The following C16orf89 variants were observed in gnomAD, a reference collection of about 807,000 sequenced individuals.
C16orf89 encodes the protein UPF0764 protein C16orf89.
Under a neutral mutation model 41.5 loss-of-function variants are expected in C16orf89, and 57 were observed. That is an observed-to-expected ratio of 1.38 (90% CI 1.11 to 1.71). The LOEUF (loss-of-function observed/expected upper bound fraction) is 1.71, where lower values mean the gene tolerates loss of function less well. Among genes scored for constraint, C16orf89 ranks in the 40% most tolerant of loss-of-function variants. The pLI is 0.00. For missense variants in C16orf89, 575 were observed against 445.9 expected (o/e 1.29, Z -2.61); for synonymous variants, 223 against 190.6 (o/e 1.17, Z -1.40).
At chr16:5,062,375 T>G (rs1239188180) in intron 2 of C16orf89, 50 bp downstream of exon 2, 1 of 1,538,340 alleles carries the variant, frequency 6.5e-7, no homozygotes, top group African/African-American at 1.4e-5. Context: ...TCAGTCAATA[T>G]CCCCATAGGC....
chr16:5,063,544 T>C (rs536822361), intron 1 of C16orf89, among the ~76,000 whole-genome samples: 17 of 152,286 alleles, frequency 1.1e-4, no homozygotes, highest in Non-Finnish European at 2.2e-4. Context: ...GCTGCATCTG[T>C]AATTTACAGC....
intron 6 of C16orf89, among the ~76,000 whole-genome samples, chr16:5,049,323 T>C (rs1419341644): frequency 6.6e-6 from 1 of 152,188 alleles, no homozygotes; most frequent in Non-Finnish European, 1.5e-5. Flanking sequence ...AAAGAAACAC[T>C]GAATTTAAAC....
At chr16:5,060,463 T>C (rs986529948) in intron 2 of C16orf89, 27 bp from the exon 3 acceptor site, 1 of 1,600,268 alleles carries the variant, frequency 6.2e-7, no homozygotes, top group Non-Finnish European at 8.5e-7. Context: ...ATAGATGGGG[T>C]GGGGTGTGGG....
downstream of C16orf89, chr16:5,043,909 A>G (rs1223559644): frequency 6.3e-6 from 1 of 159,370 alleles, no homozygotes; most frequent in Non-Finnish European, 1.3e-5. Flanking sequence ...TGTCCCAGCT[A>G]CTCAGGAGGT....
intron 7 of C16orf89, among the ~76,000 whole-genome samples, chr16:5,046,728 C>G (rs531447839): frequency 6.6e-6 from 1 of 152,214 alleles, no homozygotes; most frequent in South Asian, 2.1e-4. Flanking sequence ...GTGTCCCCCT[C>G]CTTCCCTTTC....
intron 6 of C16orf89, among the ~76,000 whole-genome samples, chr16:5,050,768 C>T (rs1423621202): frequency 6.6e-6 from 1 of 152,194 alleles, no homozygotes; most frequent in Non-Finnish European, 1.5e-5. Flanking sequence ...AACCCAGCAA[C>T]ACATTAAAAA....
intron 7 of C16orf89, among the ~76,000 whole-genome samples, chr16:5,047,458 ACTTT>A (rs1465930582): frequency 6.9e-6 from 1 of 145,574 alleles, no homozygotes; most frequent in Non-Finnish European, 1.5e-5. Context: ...TGGACTCCCC[ACTTT>A]CTTTCTTTCT....
chr16:5,055,271 C>G lies in C16orf89; in HGVS notation c.843G>C (p.Gln281His), dbSNP rs1411184609. The stretch of plus-strand genomic sequence containing the variant: ...CAGGCTCCCCGAAGCATCCTTCCTG[C>G]TGTTTCTGCCAGCTGAGAATGGCCT... ...WLEAILSWQK[Q>H]QEGCFGEPDA... The change falls in exon 6 of 8, where the codon CAG becomes CAC. Residue 281 changes from glutamine (Q) to histidine (H), a missense_variant. Gln to His is a conservative substitution (Grantham distance 24). Coordinates refer to ENST00000472572, the MANE Select transcript of C16orf89 (RefSeq NM_001098514.3). The G allele has an allele frequency of 6.2e-7, 1 of 1,612,822 alleles. No homozygotes were observed. Among genetic ancestry groups the G allele is most frequent in the Non-Finnish European group, 8.5e-7 (1 of 1,179,340 alleles).
intron 6 of C16orf89, among the ~76,000 whole-genome samples, chr16:5,051,252 A>C (rs1330742395): frequency 6.6e-6 from 1 of 152,214 alleles, no homozygotes; most frequent in East Asian, 1.9e-4. Flanking sequence ...AAAAAGGAGG[A>C]AGTCAAATTG....
Position 5,044,250 on chromosome 16 carries a change from C to G in C16orf89, c.*98G>C, listed in dbSNP as rs1423859846. 2 of 1,461,792 alleles carry G rather than the reference C, an allele frequency of 1.4e-6. No homozygotes were observed. Among genetic ancestry groups the G allele is most frequent in the Non-Finnish European group, 1.8e-6 (2 of 1,111,288 alleles). 90.6% of individuals were successfully genotyped at this position (1,461,792 alleles called of 1,614,324 possible). A position where few individuals can be genotyped will look rare whatever the true frequency, so the allele number is the denominator to read the frequency against. ...GTGGCTTTGCTTATCCTCCAGATGC[C>G]TTCTTCCCAGGATGTGATCCGTGCC... On this transcript the variant is annotated 3_prime_UTR_variant, in exon 8 of 8. Transcript: ENST00000472572.
intron 6 of C16orf89, among the ~76,000 whole-genome samples, chr16:5,050,325 G>A (rs953466123): frequency 3.6e-4 from 55 of 151,742 alleles, no homozygotes; most frequent in Admixed American, 2.6e-3. Flanking sequence ...CTGAGATTGC[G>A]CCACTGCACT....
chr16:5,062,554 C>T lies in C16orf89; in HGVS notation c.229G>A (p.Glu77Lys). ...AGCAGGGGCTCCTGGGCCCACTTCT[C>T]CCGGACACTTTTTAGCTGCTCTGGA... Reference protein sequence around the residue: ...VLEEQLKSVREKWAQEPLLQP... With the variant: ...VLEEQLKSVRKKWAQEPLLQP... Residue 77 changes from glutamate to lysine, a missense_variant, in exon 2 of 8, where the codon GAG becomes AAG. Transcript: ENST00000472572. 5.6e-6 allele frequency: 9 copies of T among 1,612,076 alleles called. No homozygotes were observed. The highest frequency in any genetic ancestry group is 6.8e-6 in the Non-Finnish European group (8 of 1,179,120).
intron 7 of C16orf89, among the ~76,000 whole-genome samples, chr16:5,045,484 A>G (rs1350577063): frequency 1.3e-5 from 2 of 152,204 alleles, no homozygotes; most frequent in Non-Finnish European, 2.9e-5. Context: ...GAAGGGAGCC[A>G]GGAATTCTTT....
rs191347769 is a variant in C16orf89 at position 5,065,937 on chromosome 16, C to G, written c.-29G>C. 18 of 1,607,258 alleles carry G rather than the reference C, an allele frequency of 1.1e-5. No homozygotes were observed. The highest frequency in any genetic ancestry group is 1.5e-5 in the Non-Finnish European group (18 of 1,177,638). ...CGGCCTCTGCTCACTGCTGGTCACACGCTCAGCACCCTGAGCTCTGGCCAA... is the reference window on the plus strand; with the variant it reads ...CGGCCTCTGCTCACTGCTGGTCACAGGCTCAGCACCCTGAGCTCTGGCCAA... On this transcript the variant is annotated 5_prime_UTR_variant, in exon 1 of 8. Coordinates refer to ENST00000472572, the MANE Select transcript of C16orf89 (RefSeq NM_001098514.3).
In C16orf89 at chr16:5,060,511, C is replaced by T. The variant is rs754737127; in HGVS notation, c.359-75G>A. On this transcript the variant is annotated intron_variant, in intron 2 of 7. Transcript: ENST00000472572. ...GCAGTGGGCCACCCTGGTGTCCCCA[C>T]CTCCTCCTGCAGCCCTGCCCACTGG... The T allele has an allele frequency of 1.1e-5, 16 of 1,434,634 alleles. 1 individual carries two copies. The highest frequency in any genetic ancestry group is 9.7e-5 in the East Asian group (4 of 41,276). The allele number at this position is 1,434,634 out of a possible 1,614,324, so 88.9% of individuals were successfully genotyped here. A position where few individuals can be genotyped will look rare whatever the true frequency, so the allele number is the denominator to read the frequency against.
chr16:5,058,610 C>A lies in C16orf89; in HGVS notation c.510G>T (p.Gly170=). The A allele has an allele frequency of 4.4e-6, 7 of 1,608,632 alleles. No individual in the cohort carries two copies. Among genetic ancestry groups the A allele is most frequent in the Non-Finnish European group, 5.9e-6 (7 of 1,176,932 alleles). Residue 170 remains glycine (G), a splice_region_variant and synonymous_variant, in exon 4 of 8, where the codon GGG becomes GGT. Coordinates refer to ENST00000472572, the MANE Select transcript of C16orf89 (RefSeq NM_001098514.3). Reference sequence around the variant, plus strand: ...GGCCGCAGGGCTCGCTGCTGTCCGTCCTGGGGGAAAGTGGTTCCAAGCTGT... The same window carrying A: ...GGCCGCAGGGCTCGCTGCTGTCCGTACTGGGGGAAAGTGGTTCCAAGCTGT... ...DVCLVQLLGT[G]TDSSEPCGLS...
intron 4 of C16orf89, among the ~76,000 whole-genome samples, chr16:5,056,945 A>G (rs1405730773): frequency 1.3e-5 from 2 of 152,138 alleles, no homozygotes; most frequent in East Asian, 3.9e-4. Flanking sequence ...TTTCTGTATG[A>G]AGAAATATAT....
chr16:5,062,170 C>A (rs1028446209), intron 2 of C16orf89, among the ~76,000 whole-genome samples: 3 of 152,176 alleles, frequency 2.0e-5, no homozygotes, highest in Non-Finnish European at 2.9e-5. Context: ...CTTGTGCGTG[C>A]GCTGAATGCT....
intron 7 of C16orf89, among the ~76,000 whole-genome samples, chr16:5,045,523 G>T (rs972824091): frequency 4.6e-5 from 7 of 152,186 alleles, no homozygotes; most frequent in Admixed American, 4.6e-4. Context: ...TTGGGAAGGG[G>T]AGGGGACCCC....
Sources: gnomAD v4.1 joint callset for allele counts (sites outside exome capture counted in the v4.1 genomes callset) on GRCh38, gnomAD v4.1.1 for gene constraint, MANE v1.5 for transcripts, NCBI Gene and HGNC (gene_info 2026-07-23, HGNC 2026-07-21) for gene names.